BMP6: variants seen among roughly 807,000 people sequenced by gnomAD.
BMP6 encodes the protein bone morphogenetic protein 6.
A neutral mutation model predicts 54.1 loss-of-function variants in BMP6; 17 were observed. The observed-to-expected ratio is 0.31, with a 90% CI of 0.22 to 0.47. BMP6 has a LOEUF of 0.47. BMP6 is among the 20% of genes least tolerant of loss of function. The probability of loss-of-function intolerance (pLI) is 1.00; values close to 1 mark genes in which losing one functional copy is unlikely to be tolerated. For missense variants in BMP6, 720 were observed against 690.4 expected, an observed-to-expected ratio of 1.04 and a Z score of -0.48; for synonymous variants, 328 against 291.2, an observed-to-expected ratio of 1.13 and a Z score of -1.28.
At chr6:7,779,433 G>C (rs566147755) in intron 1 of BMP6, among the ~76,000 whole-genome samples, 1 of 152,174 alleles carries the variant, frequency 6.6e-6, no homozygotes, top group East Asian at 1.9e-4. Context: ...CCACCTCCCA[G>C]GTTCAAGTGA....
chr6:7,835,940 T>G (rs1370617141), intron 1 of BMP6, among the ~76,000 whole-genome samples: 1 of 151,956 alleles, frequency 6.6e-6, no homozygotes, highest in Non-Finnish European at 1.5e-5. Flanking sequence ...GGGTTCAAGC[T>G]ATTCTCCTGC....
intron 1 of BMP6, among the ~76,000 whole-genome samples, chr6:7,773,050 A>G (rs1366873024): frequency 1.3e-5 from 2 of 152,208 alleles, no homozygotes; most frequent in South Asian, 2.1e-4. Flanking sequence ...AAGGCCCTCC[A>G]AGGGCCCTAT....
intron 1 of BMP6, among the ~76,000 whole-genome samples, chr6:7,730,599 AG>A (rs1263976255): frequency 9.2e-5 from 14 of 152,228 alleles, no homozygotes; most frequent in Non-Finnish European, 1.5e-4. Flanking sequence ...TAATCCATGT[AG>A]CAATAGGAAA....
chr6:7,845,148 G>A lies in BMP6; in HGVS notation c.673G>A (p.Asp225Asn), dbSNP rs757988937. 7.6e-5 allele frequency: 123 copies of A among 1,612,990 alleles called. No homozygotes were observed. The highest frequency in any genetic ancestry group is 9.8e-5 in the Non-Finnish European group (115 of 1,179,326). Residue 225 changes from aspartate (D) to asparagine (N), a missense_variant, in exon 2 of 7, where the codon GAC becomes AAC. This residue lies in a region of BMP6 where 650 missense variants were observed against 556.3 expected (regional missense o/e 1.17). Coordinates refer to ENST00000283147, the MANE Select transcript of BMP6 (RefSeq NM_001718.6). ...VMSFVNLVEY[D>N]KEFSPRQRHH... is the part of the protein sequence containing the mutation. ...CTTGTTTAATCTTATAGTGGAGTAC[G>A]ACAAGGAGTTCTCCCCTCGTCAGCG... is the stretch of plus-strand genomic sequence containing the variant.
rs764190979 is a variant in BMP6 at position 7,727,207 on chromosome 6, G to T, written c.252G>T (p.Leu84Phe). 1 of 1,605,088 alleles carries T rather than the reference G, an allele frequency of 6.2e-7. No individual in the cohort carries two copies. Among genetic ancestry groups the T allele is most frequent in the Non-Finnish European group, 8.5e-7 (1 of 1,176,602 alleles). Residue 84 changes from leucine (L) to phenylalanine (F), a missense_variant, in exon 1 of 7, where the codon TTG becomes TTT. Physicochemically the swap from Leu to Phe is conservative, Grantham distance 22 (BLOSUM62 0). Coordinates refer to ENST00000283147, the MANE Select transcript of BMP6 (RefSeq NM_001718.6). ...AGCGGGAGATGCAGAAGGAGATCTTGTCGGTGCTGGGGCTCCCGCACCGGC... is the reference window on the plus strand; with the variant it reads ...AGCGGGAGATGCAGAAGGAGATCTTTTCGGTGCTGGGGCTCCCGCACCGGC... ...QEKREMQKEI[L>F]SVLGLPHRPR...
rs1429963072 is a variant in BMP6 at position 7,864,009 on chromosome 6, C to CG, written c.1204+1512dup. 1.8e-4 allele frequency among the ~76,000 whole-genome samples: 20 copies of CG among 112,684 alleles called. No homozygotes were observed. In the East Asian group the frequency reaches 2.0e-3, roughly 11 times the overall value. 73.9% of individuals were successfully genotyped at this position (112,684 alleles called of 152,430 possible). On this transcript the variant is annotated intron_variant, in intron 4 of 6. Coordinates refer to ENST00000283147, the MANE Select transcript of BMP6 (RefSeq NM_001718.6). ...CCTGAGTGACAGAGCGAGACTCCAT[C>CG]GAAAAAAAAAAAAAAAAAGTTCTCC...
At chr6:7,830,823 G>A (rs13204523) in intron 1 of BMP6, among the ~76,000 whole-genome samples, 5 of 151,278 alleles carry the variant, frequency 3.3e-5, no homozygotes, top group Non-Finnish European at 7.4e-5. Context: ...CCACCCCCAC[G>A]ATTCAACTGT....
intron 4 of BMP6, among the ~76,000 whole-genome samples, chr6:7,864,505 T>G (rs1023300883): frequency 3.3e-5 from 5 of 152,226 alleles, no homozygotes; most frequent in Admixed American, 6.5e-5. Flanking sequence ...TTCTGGAAGA[T>G]GCATTAATTC....
chr6:7,868,822 C>G (rs1187498900), intron 4 of BMP6, among the ~76,000 whole-genome samples: 1 of 152,162 alleles, frequency 6.6e-6, no homozygotes, highest in African/African-American at 2.4e-5. Context: ...GCCGAGTGGC[C>G]CCTCTGCAGA....
chr6:7,769,800 T>G (rs1290685605), intron 1 of BMP6, among the ~76,000 whole-genome samples: 2 of 152,230 alleles, frequency 1.3e-5, no homozygotes, highest in Non-Finnish European at 2.9e-5. Flanking sequence ...TGTCTGCAAA[T>G]GCAGATAGTT....
intron 4 of BMP6, among the ~76,000 whole-genome samples, chr6:7,871,468 AT>A (rs1274721119): frequency 2.6e-5 from 4 of 152,144 alleles, no homozygotes; most frequent in African/African-American, 9.7e-5. Flanking sequence ...GGCTTTTATG[AT>A]TGTTGGATTT....
At chr6:7,768,313 C>T (rs892983745) in intron 1 of BMP6, among the ~76,000 whole-genome samples, 4 of 152,310 alleles carry the variant, frequency 2.6e-5, no homozygotes, top group Non-Finnish European at 2.9e-5. Context: ...ATGACTGGGT[C>T]GCCCTGGAGT....
In BMP6 at chr6:7,791,616, C is replaced by A. The variant is rs114523570; in HGVS notation, c.665-53524C>A. On this transcript the variant is annotated intron_variant, in intron 1 of 6. Transcript: ENST00000283147. ...CTGGAACTTTTGACTCTCCTAATGGCGCTCTGAACATCACTACCTGGAAGT... is the reference window on the plus strand; with the variant it reads ...CTGGAACTTTTGACTCTCCTAATGGAGCTCTGAACATCACTACCTGGAAGT... Among the ~76,000 whole-genome samples the A allele has an allele frequency of 5.0e-3, 764 of 152,208 alleles. 6 individuals carry two copies. Among genetic ancestry groups the A allele is most frequent in the African/African-American group, 0.018 (731 of 41,528 alleles).
intron 4 of BMP6, among the ~76,000 whole-genome samples, chr6:7,863,864 C>T (rs1759375204): frequency 1.3e-5 from 2 of 152,008 alleles, no homozygotes; most frequent in Non-Finnish European, 2.9e-5. Context: ...ACTAAAAATA[C>T]AAAAAATTAG....
Position 7,727,191 on chromosome 6 carries a change from T to G in BMP6, c.236T>G (p.Met79Arg), listed in dbSNP as rs1311229953. The G allele has an allele frequency of 3.7e-6, 6 of 1,602,938 alleles. No individual in the cohort carries two copies. The East Asian group carries it at 1.4e-4, about 36-fold the overall frequency. ...RRLKTQEKRE[M>R]QKEILSVLGL... Reference sequence around the variant, plus strand: ...CTCAAGACGCAGGAGAAGCGGGAGATGCAGAAGGAGATCTTGTCGGTGCTG... The same window carrying G: ...CTCAAGACGCAGGAGAAGCGGGAGAGGCAGAAGGAGATCTTGTCGGTGCTG... The change falls in exon 1 of 7, where the codon ATG becomes AGG. Residue 79 changes from methionine (M) to arginine (R), a missense_variant. Physicochemically the swap from Met to Arg is moderately conservative, Grantham distance 91. Coordinates refer to ENST00000283147, the MANE Select transcript of BMP6 (RefSeq NM_001718.6).
chr6:7,749,679 G>A (rs1757393271), intron 1 of BMP6, among the ~76,000 whole-genome samples: 2 of 152,200 alleles, frequency 1.3e-5, no homozygotes, highest in African/African-American at 4.8e-5. Flanking sequence ...TTTGCCAAGT[G>A]GTTATGTGTC....
intron 4 of BMP6, among the ~76,000 whole-genome samples, chr6:7,872,251 A>G (rs1759539722): frequency 6.6e-6 from 1 of 150,562 alleles, no homozygotes; most frequent in African/African-American, 2.4e-5. Context: ...AGTGGGAGTG[A>G]GGGGAAAGTT....
At chr6:7,737,418 T>TC (rs1761971837) in intron 1 of BMP6, among the ~76,000 whole-genome samples, 1 of 152,068 alleles carries the variant, frequency 6.6e-6, no homozygotes, top group Non-Finnish European at 1.5e-5. Context: ...GAGTTGCCTT[T>TC]CCCCCCATGG....
chr6:7,726,944 G>A lies in BMP6; in HGVS notation c.-12G>A. The A allele has an allele frequency of 1.1e-5, 12 of 1,133,046 alleles. No homozygotes were observed. The highest frequency in any genetic ancestry group is 1.6e-5 in the African/African-American group (1 of 60,808). The allele number at this position is 1,133,046 out of a possible 1,614,324, so 70.2% of individuals were successfully genotyped here. A position where few individuals can be genotyped will look rare whatever the true frequency, so the allele number is the denominator to read the frequency against. On this transcript the variant is annotated 5_prime_UTR_variant, in exon 1 of 7. Coordinates refer to ENST00000283147, the MANE Select transcript of BMP6 (RefSeq NM_001718.6). ...CTCGCGGGATCCGCGGGGGCAGCCC[G>A]GCCGGGCGGGGATGCCGGGGCTGGG...
Sources: allele counts gnomAD v4.1 joint callset (sites outside exome capture counted in the v4.1 genomes callset), GRCh38; gene constraint gnomAD v4.1.1; regional missense constraint gnomAD v4.1.1; transcripts MANE v1.5; gene names NCBI Gene and HGNC (gene_info 2026-07-23, HGNC 2026-07-21).